Variants in ADCY3 observed in about 807,000 individuals in gnomAD.
The protein encoded by ADCY3 is adenylate cyclase 3.
Under a neutral mutation model 119.4 loss-of-function variants are expected in ADCY3, and 70 were observed. The observed-to-expected ratio is 0.59, with a 90% CI of 0.48 to 0.72. ADCY3 has a LOEUF of 0.72. ADCY3 is among the 30% of genes least tolerant of loss of function. The probability of loss-of-function intolerance (pLI) is 0.00; values close to 1 mark genes in which losing one functional copy is unlikely to be tolerated. For synonymous variants in ADCY3, 672 were observed against 621.4 expected (o/e 1.08, Z -1.21); for missense variants, 1,238 against 1,541.6 (o/e 0.80, Z 3.30).
chr2:24,840,837 C>T (rs960969556), intron 6 of ADCY3, among the ~76,000 whole-genome samples: 17 of 152,314 alleles, frequency 1.1e-4, no homozygotes, highest in African/African-American at 4.1e-4. Flanking sequence ...AGCCCCTCTG[C>T]CAGGGTCTTA....
intron 14 of ADCY3, 61 bp downstream of exon 14, chr2:24,827,841 T>G: frequency 6.2e-7 from 1 of 1,602,694 alleles, no homozygotes; most frequent in Non-Finnish European, 8.5e-7. Flanking sequence ...GAGCTTGAAC[T>G]GAGGACTTTG....
chr2:24,894,367 T>C (rs978866225), intron 2 of ADCY3, among the ~76,000 whole-genome samples: 6 of 152,042 alleles, frequency 3.9e-5, no homozygotes, highest in Non-Finnish European at 8.8e-5. Flanking sequence ...CCCAGCTACT[T>C]GGGAGGCTGA....
At chr2:24,823,966 A>T (rs933428575) in intron 17 of ADCY3, among the ~76,000 whole-genome samples, 6 of 152,188 alleles carry the variant, frequency 3.9e-5, no homozygotes, top group African/African-American at 1.4e-4. Flanking sequence ...AAGTGCCGGG[A>T]TTACAGGCAT....
intron 16 of ADCY3, 40 bp downstream of exon 16, chr2:24,825,998 CCTGTGGG>C (rs766866846): frequency 1.1e-4 from 177 of 1,575,794 alleles, no homozygotes; most frequent in Middle Eastern, 1.7e-4. Flanking sequence ...CTCAGGAGGC[CCTGTGGG>C]CTGTGGGCAC....
In ADCY3 at chr2:24,872,185, C is replaced by T. The variant is rs760305146; in HGVS notation, c.825+385G>A. 3.9e-5 allele frequency among the ~76,000 whole-genome samples: 6 copies of T among 152,266 alleles called. No individual in the cohort carries two copies. The highest frequency in any genetic ancestry group is 7.2e-5 in the African/African-American group (3 of 41,570). On this transcript the variant is annotated intron_variant, in intron 3 of 21. Transcript: ENST00000679454. The surrounding 1 kb of genome is among the most constrained non-coding windows in gnomAD (Gnocchi z 4.4). ...TGGAGGCGTGACGTGAAGGAATGCC[C>T]GTGATGCCCCTGACCCTGACCTTGG...
In ADCY3 at chr2:24,838,616, C is replaced by A. The variant is rs751105673; in HGVS notation, c.1362G>T (p.Val454=). The change falls in exon 8 of 22, where the codon GTG becomes GTT. Residue 454 remains valine (V), a synonymous_variant. Coordinates refer to ENST00000679454, the MANE Select transcript of ADCY3 (RefSeq NM_004036.5). ...KMEAGGIPGR[V]HISQSTMDCL... is the part of the protein sequence containing the mutation. ...AGTCCATGGTGCTCTGGGAGATGTG[C>A]ACGCGCCTGGATTGCAGAGAGAGAG... 4 of 1,613,724 alleles carry A rather than the reference C, an allele frequency of 2.5e-6. No individual in the cohort carries two copies. The highest frequency in any genetic ancestry group is 3.4e-6 in the Non-Finnish European group (4 of 1,180,028).
intron 3 of ADCY3, among the ~76,000 whole-genome samples, chr2:24,851,440 T>C (rs1299452074): frequency 6.6e-6 from 1 of 152,174 alleles, no homozygotes; most frequent in Non-Finnish European, 1.5e-5. Context: ...CGGTATTATT[T>C]ATGTGCAATA....
chr2:24,905,767 G>T lies in ADCY3; in HGVS notation c.675+12546C>A, dbSNP rs77820979. Among the ~76,000 whole-genome samples, 583 of 152,282 alleles carry T rather than the reference G, an allele frequency of 3.8e-3. 4 individuals carry two copies. Among genetic ancestry groups the T allele is most frequent in the African/African-American group, 0.013 (553 of 41,558 alleles). ...GAAACAGCCATTTCTAGTGCTTGCC[G>T]CCTATCCCAGTGAAAAAGGTATTAT... On this transcript the variant is annotated intron_variant, in intron 2 of 21. Transcript: ENST00000679454.
At chr2:24,837,156 G>A (rs1215228126) in intron 8 of ADCY3, 111 bp from the exon 9 acceptor site, 2 of 1,275,018 alleles carry the variant, frequency 1.6e-6, no homozygotes, top group African/African-American at 3.0e-5. Context: ...GCAATCTGAG[G>A]CCACAGAACT....
intron 3 of ADCY3, among the ~76,000 whole-genome samples, chr2:24,843,038 T>TA (rs752075345): frequency 3.9e-5 from 6 of 152,142 alleles, no homozygotes; most frequent in Non-Finnish European, 5.9e-5. Flanking sequence ...GAAGGAGCCT[T>TA]GGTCGAGCCC....
intron 2 of ADCY3, among the ~76,000 whole-genome samples, chr2:24,894,048 T>C (rs978771289): frequency 1.3e-5 from 2 of 152,236 alleles, no homozygotes; most frequent in Non-Finnish European, 2.9e-5. Flanking sequence ...TTTTGAATGA[T>C]TTTTGTTTAC....
chr2:24,890,777 A>AT (rs1009079672), intron 2 of ADCY3, among the ~76,000 whole-genome samples: 5 of 150,836 alleles, frequency 3.3e-5, no homozygotes, highest in East Asian at 3.9e-4. Flanking sequence ...TTTCCCACTA[A>AT]TTTTTTTTTC....
chr2:24,845,244 A>T (rs1038245594), intron 3 of ADCY3, among the ~76,000 whole-genome samples: 10 of 152,250 alleles, frequency 6.6e-5, no homozygotes, highest in African/African-American at 2.4e-4. Flanking sequence ...GGAACTGGGT[A>T]ACAGGCAGAG....
chr2:24,833,816 C>A (rs535594067), intron 11 of ADCY3, among the ~76,000 whole-genome samples: 3 of 152,354 alleles, frequency 2.0e-5, no homozygotes, highest in Admixed American at 2.0e-4. Context: ...GCTGCCGGAG[C>A]CTGCAGTGGC....
chr2:24,850,280 T>G (rs762400744), intron 3 of ADCY3, among the ~76,000 whole-genome samples: 2 of 152,140 alleles, frequency 1.3e-5, no homozygotes, highest in African/African-American at 4.8e-5. Context: ...GCCCCTTTCA[T>G]GAGTGCGTGA....
chr2:24,911,641 A>ACACACACACACAC (rs1459604524), intron 2 of ADCY3, among the ~76,000 whole-genome samples: 742 of 58,064 alleles, frequency 0.013, 19 homozygotes, highest in African/African-American at 0.04. Flanking sequence ...CAGACTCAAA[A>ACACACACACACAC]AAAAAAAAAA....
At chr2:24,913,988 C>T (rs2149072793) in intron 2 of ADCY3, among the ~76,000 whole-genome samples, 1 of 152,130 alleles carries the variant, frequency 6.6e-6, no homozygotes, top group African/African-American at 2.4e-5. Context: ...TCCTGGCTGC[C>T]TTCCCCATTG....
At chr2:24,915,234 G>C (rs1298741256) in intron 2 of ADCY3, among the ~76,000 whole-genome samples, 1 of 152,242 alleles carries the variant, frequency 6.6e-6, no homozygotes, top group Non-Finnish European at 1.5e-5. Context: ...TGACCCTGGA[G>C]GGAGTCCCCA....
chr2:24,849,245 T>TA (rs1558449395), intron 3 of ADCY3, among the ~76,000 whole-genome samples: 1 of 152,158 alleles, frequency 6.6e-6, no homozygotes. Flanking sequence ...GAGAGTCCAA[T>TA]CCAGTCCTGT....
Sources: allele counts gnomAD v4.1 joint callset (sites outside exome capture counted in the v4.1 genomes callset), GRCh38; gene constraint gnomAD v4.1.1; non-coding constraint Gnocchi (gnomAD v3.1); transcripts MANE v1.5; gene names NCBI Gene and HGNC (gene_info 2026-07-23, HGNC 2026-07-21).